Variants in AGBL1 observed in about 807,000 individuals in gnomAD.
The protein encoded by AGBL1 is cytosolic carboxypeptidase 4.
Under a neutral mutation model 118.9 loss-of-function variants are expected in AGBL1, and 130 were observed. The observed-to-expected ratio is 1.09, with a 90% CI of 0.95 to 1.26. The LOEUF is 1.26. Ranked by LOEUF, AGBL1 falls within the 50% of genes most tolerant of loss-of-function variation. The probability of loss-of-function intolerance (pLI) is 0.00; values close to 1 mark genes in which losing one functional copy is unlikely to be tolerated. For missense variants in AGBL1, 1,584 were observed against 1,298.1 expected, an observed-to-expected ratio of 1.22 and a Z score of -3.38; for synonymous variants, 555 against 478.9, an observed-to-expected ratio of 1.16 and a Z score of -2.08.
chr15:86,999,503 T>C (rs1320149061), intron 24 of AGBL1, among the ~76,000 whole-genome samples: 1 of 147,110 alleles, frequency 6.8e-6, no homozygotes, highest in Non-Finnish European at 1.5e-5. Flanking sequence ...TACTTTAGTT[T>C]ACTGAGAATG....
At chr15:86,692,064 G>A (rs186942029) in intron 22 of AGBL1, among the ~76,000 whole-genome samples, 2 of 152,114 alleles carry the variant, frequency 1.3e-5, no homozygotes, top group East Asian at 3.9e-4. Context: ...GATGAGGTAA[G>A]GGTTGTAAAA....
intron 18 of AGBL1, among the ~76,000 whole-genome samples, chr15:86,512,229 G>T (rs2083060514): frequency 6.6e-6 from 1 of 151,770 alleles, no homozygotes; most frequent in African/African-American, 2.4e-5. Flanking sequence ...AATTACTTTT[G>T]CAAAAATTGA....
intron 22 of AGBL1, among the ~76,000 whole-genome samples, chr15:86,812,027 T>C (rs2078797303): frequency 6.6e-6 from 1 of 152,208 alleles, no homozygotes; most frequent in African/African-American, 2.4e-5. Flanking sequence ...TTTGTAAACT[T>C]TAAAATACTG....
Position 86,485,327 on chromosome 15 carries a change from A to G in AGBL1, c.2556-37483A>G, listed in dbSNP as rs541509543. ...AAAGCCACATCTGAATAAAGAAAAG[A>G]CTTTAAGAGCCAATACCAGCAGAGT... On this transcript the variant is annotated intron_variant, in intron 18 of 22. Transcript: ENST00000614907. 5.9e-5 allele frequency among the ~76,000 whole-genome samples: 9 copies of G among 152,274 alleles called. 1 individual carries two copies. The South Asian group carries it at 1.9e-3, about 32-fold the overall frequency.
chr15:86,423,394 C>T (rs1163945344), intron 18 of AGBL1, among the ~76,000 whole-genome samples: 1 of 151,876 alleles, frequency 6.6e-6, no homozygotes, highest in Admixed American at 6.6e-5. Context: ...GCAAAAAACT[C>T]TCAATAAACT....
chr15:86,971,974 C>T (rs1410383255), intron 23 of AGBL1, among the ~76,000 whole-genome samples: 1 of 151,952 alleles, frequency 6.6e-6, no homozygotes, highest in Non-Finnish European at 1.5e-5. Context: ...AAGAAGGGGC[C>T]TGCTTCCCCT....
intron 20 of AGBL1, among the ~76,000 whole-genome samples, chr15:86,552,438 T>C (rs2083676750): frequency 6.6e-6 from 1 of 152,226 alleles, no homozygotes; most frequent in South Asian, 2.1e-4. Flanking sequence ...TATGCCAATG[T>C]TAAGTTAAAG....
chr15:86,158,893 C>T (rs2077228819), intron 4 of AGBL1, 40 bp from the exon 5 acceptor site: 1 of 1,574,704 alleles, frequency 6.4e-7, no homozygotes, highest in African/African-American at 1.4e-5. Flanking sequence ...CTTAACTCAT[C>T]CACTTGTGAC....
Position 86,976,405 on chromosome 15 carries a change from C to T in AGBL1, c.3222-11582C>T, listed in dbSNP as rs939789870. On this transcript the variant is annotated intron_variant, in intron 23 of 24. Transcript: ENST00000441037. ...CATATAATTTCTAATTGCTAAATAG[C>T]ATTGCATTTGTTTGTTTCTTTCTCA... 2.4e-3 allele frequency among the ~76,000 whole-genome samples: 362 copies of T among 151,900 alleles called. 6 individuals carry two copies. Among genetic ancestry groups the T allele is most frequent in the Non-Finnish European group, 7.5e-4 (51 of 67,884 alleles).
At position 86,739,056 on chromosome 15, in the gene AGBL1, G is replaced by T. The variant is rs924072609; in HGVS notation, c.3158+64620G>T. On this transcript the variant is annotated intron_variant, in intron 22 of 22. Coordinates refer to ENST00000614907, the MANE Select transcript of AGBL1 (RefSeq NM_001386094.1). ...AGCTACTCAGGAGGCTAAGGCAGGA[G>T]AATTGCTTGAGCCTGGGAGGTTGAT... Among the ~76,000 whole-genome samples, 4 of 152,138 alleles carry T rather than the reference G, an allele frequency of 2.6e-5. No homozygotes were observed. In the South Asian group the frequency reaches 8.3e-4, roughly 32 times the overall value.
At chr15:86,568,689 C>A (rs1268460356) in intron 21 of AGBL1, among the ~76,000 whole-genome samples, 1 of 152,186 alleles carries the variant, frequency 6.6e-6, no homozygotes, top group Non-Finnish European at 1.5e-5. Context: ...GTTAGAAATG[C>A]AGACTCCCAG....
At chr15:86,753,406 T>C (rs1443039913) in intron 22 of AGBL1, among the ~76,000 whole-genome samples, 1 of 119,748 alleles carries the variant, frequency 8.4e-6, no homozygotes, top group Non-Finnish European at 1.9e-5. Context: ...TCTTTTTTTT[T>C]TTTTTTTTTG....
intron 21 of AGBL1, among the ~76,000 whole-genome samples, chr15:86,593,443 C>G (rs2084365318): frequency 6.6e-6 from 1 of 152,052 alleles, no homozygotes; most frequent in Non-Finnish European, 1.5e-5. Flanking sequence ...ATGGATATCT[C>G]CAGCTTAACA....
rs527654402 is a variant in AGBL1 at position 86,929,556 on chromosome 15, C to T, written c.3222-58431C>T. 2.8e-4 allele frequency among the ~76,000 whole-genome samples: 42 copies of T among 152,106 alleles called. No individual in the cohort carries two copies. In the South Asian group the frequency reaches 7.8e-3, roughly 28 times the overall value. ...GAATGGCATCCAAGTAATACTAATG[C>T]TCTGGAATGAAGAGATTCCCAGTCT... On this transcript the variant is annotated intron_variant, in intron 23 of 24. Coordinates refer to the AGBL1 transcript ENST00000441037.
At chr15:86,437,909 C>G (rs935306632) in intron 18 of AGBL1, among the ~76,000 whole-genome samples, 9 of 151,970 alleles carry the variant, frequency 5.9e-5, no homozygotes, top group Middle Eastern at 6.8e-3. Context: ...CCCTTCTTTT[C>G]TTTCTCTTTT....
intron 22 of AGBL1, among the ~76,000 whole-genome samples, chr15:86,891,225 C>G (rs1185252381): frequency 6.6e-6 from 1 of 152,026 alleles, no homozygotes; most frequent in East Asian, 1.9e-4. Context: ...AATTTTTGTA[C>G]GTTGATGTTG....
chr15:86,688,929 C>T (rs533729389), intron 22 of AGBL1, among the ~76,000 whole-genome samples: 7 of 152,110 alleles, frequency 4.6e-5, no homozygotes, highest in Non-Finnish European at 7.4e-5. Flanking sequence ...TATTAGCCTG[C>T]ATTTTTAGAA....
At chr15:86,974,465 CAT>C (rs568880719) in intron 23 of AGBL1, among the ~76,000 whole-genome samples, 1,197 of 118,832 alleles carry the variant, frequency 0.01, 39 homozygotes, top group Middle Eastern at 0.029. Context: ...TGAATATAAA[CAT>C]ATTTTATATA....
chr15:86,560,542 A>T lies in AGBL1; in HGVS notation c.2994+6005A>T, dbSNP rs552989546. On this transcript the variant is annotated intron_variant, in intron 21 of 22. Coordinates refer to ENST00000614907, the MANE Select transcript of AGBL1 (RefSeq NM_001386094.1). ...ATTTTCTTAATCCAGTCTATCATTG[A>T]TGGACATTTGGGTTGGTTCTAACTC... 3.4e-3 allele frequency among the ~76,000 whole-genome samples: 514 copies of T among 152,214 alleles called. 6 individuals are homozygous for T. The highest frequency in any genetic ancestry group is 9.8e-3 in the African/African-American group (405 of 41,514).
Sources: gnomAD v4.1 joint callset for allele counts (sites outside exome capture counted in the v4.1 genomes callset) on GRCh38, gnomAD v4.1.1 for gene constraint, MANE v1.5 for transcripts, NCBI Gene and HGNC (gene_info 2026-07-23, HGNC 2026-07-21) for gene names.